MKNK1: variants seen among roughly 807,000 people sequenced by gnomAD.
The protein encoded by MKNK1 is MAPK interacting serine/threonine kinase 1.
Under a neutral mutation model 49.3 loss-of-function variants are expected in MKNK1, and 30 were observed. The ratio of observed to expected loss-of-function variants is 0.61; its 90% CI spans 0.46 to 0.83. MKNK1 has a LOEUF of 0.83. Among genes scored for constraint, MKNK1 ranks in the 40% least tolerant of loss-of-function variants. MKNK1 has a pLI of 0.00. For synonymous variants in MKNK1, 176 were observed against 201.7 expected, an observed-to-expected ratio of 0.87 and a Z score of 1.08; for missense variants, 423 against 524.7, an observed-to-expected ratio of 0.81 and a Z score of 1.89.
intron 2 of MKNK1, among the ~76,000 whole-genome samples, chr1:46,584,053 C>G (rs926564862): frequency 1.3e-5 from 2 of 152,244 alleles, no homozygotes; most frequent in African/African-American, 4.8e-5. Flanking sequence ...TATTATCTTT[C>G]ATTGGCAAGC....
chr1:46,590,204 T>C (rs1673144716), intron 2 of MKNK1, among the ~76,000 whole-genome samples: 1 of 152,124 alleles, frequency 6.6e-6, no homozygotes. Context: ...ACTGAGGGAC[T>C]GAAAGGAAGT....
intron 4 of MKNK1, among the ~76,000 whole-genome samples, chr1:46,579,000 C>T (rs1029381095): frequency 6.6e-6 from 1 of 152,040 alleles, no homozygotes; most frequent in African/African-American, 2.4e-5. Flanking sequence ...GTGATCAGCC[C>T]GCCTCAGCCT....
chr1:46,572,246 C>G, intron 6 of MKNK1, 79 bp from the exon 7 acceptor site: 1 of 1,208,828 alleles, frequency 8.3e-7, no homozygotes, highest in African/African-American at 1.5e-5. Flanking sequence ...CGAAGTCTCA[C>G]TCTGTTACCC....
intron 5 of MKNK1, chr1:46,576,354 T>C (rs1670953661): frequency 2.0e-6 from 1 of 495,774 alleles, no homozygotes; most frequent in African/African-American, 2.0e-5. Context: ...CTTGCTTGAA[T>C]TGATGATATT....
chr1:46,577,769 T>TAA (rs1159718267), intron 4 of MKNK1, among the ~76,000 whole-genome samples: 1 of 151,900 alleles, frequency 6.6e-6, no homozygotes, highest in Middle Eastern at 3.4e-3. Flanking sequence ...GATGGGAGGG[T>TAA]GGTTTCCAAA....
chr1:46,574,743 C>A, intron 6 of MKNK1: 1 of 529,886 alleles, frequency 1.9e-6, no homozygotes, highest in Non-Finnish European at 3.3e-6. Flanking sequence ...TATAAAATAC[C>A]CACACAGGTG....
Position 46,558,317 on chromosome 1 carries a change from G to A in MKNK1, c.*258C>T, listed in dbSNP as rs563781145. Reference sequence around the variant, plus strand: ...AGCAGGTGGAGCCCAGTGAAGAGATGTTCCTGCTGCAGGCAATTATGCAAA... The same window carrying A: ...AGCAGGTGGAGCCCAGTGAAGAGATATTCCTGCTGCAGGCAATTATGCAAA... On this transcript the variant is annotated 3_prime_UTR_variant, in exon 13 of 13. Transcript: ENST00000371945. 1.0e-5 allele frequency: 5 copies of A among 493,524 alleles called. No individual in the cohort carries two copies. In the South Asian group the frequency reaches 1.7e-4, roughly 16 times the overall value. The allele number at this position is 493,524 out of a possible 1,614,324, so 30.6% of individuals were successfully genotyped here.
At chr1:46,588,339 C>G (rs1672870632) in intron 2 of MKNK1, among the ~76,000 whole-genome samples, 1 of 152,138 alleles carries the variant, frequency 6.6e-6, no homozygotes, top group African/African-American at 2.4e-5. Context: ...TAATCTTTCT[C>G]TAATACACAT....
At chr1:46,600,607 C>T (rs1674603989) in intron 1 of MKNK1, among the ~76,000 whole-genome samples, 1 of 152,202 alleles carries the variant, frequency 6.6e-6, no homozygotes. Context: ...ATTGCTGGGA[C>T]AACACTTCTC....
At chr1:46,567,962 A>C (rs1035035852) in intron 8 of MKNK1, among the ~76,000 whole-genome samples, 3 of 152,080 alleles carry the variant, frequency 2.0e-5, no homozygotes, top group Admixed American at 1.3e-4. Context: ...TCTCTACTAA[A>C]AATACAAAAA....
At chr1:46,603,828 A>G (rs754853661) in intron 1 of MKNK1, among the ~76,000 whole-genome samples, 10 of 152,256 alleles carry the variant, frequency 6.6e-5, no homozygotes, top group Non-Finnish European at 1.2e-4. Context: ...AAAATAACGC[A>G]GTACACAGAT....
intron 2 of MKNK1, among the ~76,000 whole-genome samples, chr1:46,585,345 G>GA (rs1404161156): frequency 1.7e-5 from 2 of 118,048 alleles, no homozygotes; most frequent in Non-Finnish European, 3.7e-5. Flanking sequence ...AAATTAAAAG[G>GA]AAAAAAGCTG....
chr1:46,570,421 C>G (rs537663533), intron 7 of MKNK1, among the ~76,000 whole-genome samples: 57 of 152,356 alleles, frequency 3.7e-4, no homozygotes, highest in Middle Eastern at 6.8e-3. Context: ...ACAGACACCC[C>G]CTTCTAGTTT....
At chr1:46,594,019 C>T in intron 2 of MKNK1, 94 bp downstream of exon 2, 1 of 973,378 alleles carries the variant, frequency 1.0e-6, no homozygotes, top group Admixed American at 2.1e-5. Context: ...TGCTGAAAAC[C>T]ACGGTCTCTT....
chr1:46,595,792 G>C (rs911886278), intron 1 of MKNK1, among the ~76,000 whole-genome samples: 1 of 152,108 alleles, frequency 6.6e-6, no homozygotes, highest in Admixed American at 6.6e-5. Flanking sequence ...GGCTCCATTA[G>C]CCAGGCTGGA....
rs558139705 is a variant in MKNK1 at position 46,590,329 on chromosome 1, G to A, written c.-3+3784C>T. On this transcript the variant is annotated intron_variant, in intron 2 of 12. Coordinates refer to ENST00000371945, the MANE Select transcript of MKNK1 (RefSeq NM_001135553.4). Reference sequence around the variant, plus strand: ...ATTTACATCTTTGAAGTAGTAGCCGGAGCAGTATTAGAGTCCACATGACTA... The same window carrying A: ...ATTTACATCTTTGAAGTAGTAGCCGAAGCAGTATTAGAGTCCACATGACTA... Among the ~76,000 whole-genome samples, 71 of 152,224 alleles carry A rather than the reference G, an allele frequency of 4.7e-4. 1 individual carries two copies. The South Asian group carries it at 9.1e-3, about 20-fold the overall frequency.
chr1:46,579,488 T>C (rs1039337976), intron 4 of MKNK1, among the ~76,000 whole-genome samples: 4 of 152,160 alleles, frequency 2.6e-5, no homozygotes, highest in African/African-American at 7.2e-5. Context: ...TTGTTAGAGC[T>C]CTAAGGGCTT....
At chr1:46,586,863 A>G (rs61783122) in intron 2 of MKNK1, among the ~76,000 whole-genome samples, 6,309 of 152,226 alleles carry the variant, frequency 0.041, 165 homozygotes, top group African/African-American at 0.079. Context: ...CCAAGCTGGA[A>G]TGCAGTGGAG....
In MKNK1 at chr1:46,583,297, C is replaced by T; in HGVS notation, c.31G>A (p.Asp11Asn). 2.5e-6 allele frequency: 4 copies of T among 1,613,880 alleles called. No individual in the cohort carries two copies. Among genetic ancestry groups the T allele is most frequent in the Non-Finnish European group, 3.4e-6 (4 of 1,180,008 alleles). ...TTCTTCTTCCTCCTCCTGTCACCAT[C>T]TGCGATGGGAAGGGGTTCGCTACTG... is the stretch of plus-strand genomic sequence containing the variant. MGSSEPLPIADGDRRRKKKRR... is the reference protein window; with the variant it reads MGSSEPLPIANGDRRRKKKRR... The change falls in exon 3 of 13, where the codon GAT (aspartate) becomes AAT (asparagine). Residue 11 changes from aspartate to asparagine, a missense_variant. Transcript: ENST00000371945.
Sources: allele counts gnomAD v4.1 joint callset (sites outside exome capture counted in the v4.1 genomes callset), GRCh38; gene constraint gnomAD v4.1.1; transcripts MANE v1.5; gene names NCBI Gene and HGNC (gene_info 2026-07-23, HGNC 2026-07-21).